The following PATJ variants were observed in gnomAD, a reference collection of about 807,000 sequenced individuals.
The protein encoded by PATJ is PATJ crumbs cell polarity complex component.
Under a neutral mutation model 224.9 loss-of-function variants are expected in PATJ, and 190 were observed. The ratio of observed to expected loss-of-function variants is 0.84; its 90% CI spans 0.75 to 0.95. The LOEUF is 0.95. PATJ is among the 40% of genes least tolerant of loss of function. The probability of loss-of-function intolerance (pLI) is 0.00; values close to 1 mark genes in which losing one functional copy is unlikely to be tolerated. For missense variants in PATJ, 2,121 were observed against 2,270.3 expected (o/e 0.93, Z 1.34); for synonymous variants, 769 against 820.3 (o/e 0.94, Z 1.07).
chr1:61,864,742 G>A (rs1482039743), intron 20 of PATJ, 109 bp downstream of exon 20: 35 of 943,946 alleles, frequency 3.7e-5, no homozygotes, highest in South Asian at 1.3e-4. Flanking sequence ...GGGCCTTTCC[G>A]TAAGTCGTCA....
intron 31 of PATJ, among the ~76,000 whole-genome samples, chr1:62,064,530 C>T (rs1429561368): frequency 1.3e-5 from 2 of 152,132 alleles, no homozygotes; most frequent in African/African-American, 2.4e-5. Context: ...TGAGGTTTCA[C>T]CATGTTGGCC....
intron 33 of PATJ, among the ~76,000 whole-genome samples, chr1:62,106,930 G>C (rs953501527): frequency 1.3e-5 from 2 of 152,122 alleles, no homozygotes; most frequent in Non-Finnish European, 2.9e-5. Flanking sequence ...TGGGGGCAAG[G>C]AATAGGAGGA....
At chr1:61,778,761 T>G (rs920492185) in intron 7 of PATJ, among the ~76,000 whole-genome samples, 1 of 151,978 alleles carries the variant, frequency 6.6e-6, no homozygotes, top group Non-Finnish European at 1.5e-5. Context: ...AGTGCAGTGG[T>G]GCAGTCTTGG....
intron 41 of PATJ, among the ~76,000 whole-genome samples, chr1:62,146,199 TGA>T (rs1668023164): frequency 6.6e-6 from 1 of 151,668 alleles, no homozygotes; most frequent in South Asian, 2.1e-4. Flanking sequence ...GTCTGGCATG[TGA>T]GAGAAACAGT....
chr1:62,027,742 GAGC>G, intron 29 of PATJ, among the ~76,000 whole-genome samples: 1 of 143,398 alleles, frequency 7.0e-6, no homozygotes, highest in African/African-American at 2.6e-5. Context: ...TAGTGATATT[GAGC>G]ATCTTTTCAT....
intron 13 of PATJ, among the ~76,000 whole-genome samples, chr1:61,807,631 G>A (rs1451314131): frequency 1.3e-5 from 2 of 152,174 alleles, no homozygotes; most frequent in African/African-American, 2.4e-5. Context: ...ATCTTGTACC[G>A]AGGAATGGTT....
In PATJ at chr1:62,148,460, CA is replaced by C. The variant is rs577217196; in HGVS notation, c.5378+72del. 645 of 1,079,234 alleles carry C rather than the reference CA, an allele frequency of 6.0e-4. 4 individuals are homozygous for C. The African/African-American group carries it at 9.3e-3, about 16-fold the overall frequency. The allele number at this position is 1,079,234 out of a possible 1,614,324, so 66.9% of individuals were successfully genotyped here. On this transcript the variant is annotated intron_variant, in intron 42 of 43. Transcript: ENST00000642238. ...GCTCGGAAGAACTTTTCCAGACACT[CA>C]AGTGCACTCTAAAGGAGAAGTGGCC...
intron 29 of PATJ, among the ~76,000 whole-genome samples, chr1:62,028,905 T>C (rs143792482): frequency 3.9e-4 from 59 of 152,226 alleles, no homozygotes; most frequent in African/African-American, 1.2e-3. Context: ...AAGTCTACAA[T>C]GAGCTATGAT....
intron 28 of PATJ, among the ~76,000 whole-genome samples, chr1:62,006,470 A>G (rs17122904): frequency 0.067 from 10,251 of 152,304 alleles, 791 homozygotes; most frequent in East Asian, 0.4. Flanking sequence ...CAGTAGTTGA[A>G]AACCTATCAC....
Position 61,787,910 on chromosome 1 carries a change from C to A in PATJ, c.1006C>A (p.Pro336Thr). 6.2e-7 allele frequency: 1 copy of A among 1,614,020 alleles called. No homozygotes were observed. Among genetic ancestry groups the A allele is most frequent in the South Asian group, 1.1e-5 (1 of 91,068 alleles). ...TCCAGCTGGTGACATTTCAGTCACC[C>A]CCCCTGCCCCTGCAGCCTTACCTGT... ...RDPAGDISVT[P>T]PAPAALPVAL... is the part of the protein sequence containing the mutation. The change falls in exon 8 of 44, where the codon CCC (proline) becomes ACC (threonine). Residue 336 changes from proline (P) to threonine (T), a missense_variant. By Grantham distance (38) the Pro-to-Thr change is conservative. Coordinates refer to ENST00000642238, the MANE Select transcript of PATJ (RefSeq NM_001350145.3).
At chr1:61,809,422 T>C (rs1364898360) in intron 14 of PATJ, among the ~76,000 whole-genome samples, 7 of 151,394 alleles carry the variant, frequency 4.6e-5, no homozygotes, top group Non-Finnish European at 8.8e-5. Context: ...AGTTTCGCCC[T>C]TGTTGCCCAG....
chr1:61,988,200 A>AAAAAT (rs560154179), intron 27 of PATJ, among the ~76,000 whole-genome samples: 10 of 152,320 alleles, frequency 6.6e-5, no homozygotes, highest in Middle Eastern at 3.4e-3. Context: ...CTTCATCTCA[A>AAAAAT]AAAATAAAAT....
At chr1:61,771,287 A>G (rs1357174691) in intron 5 of PATJ, 144 bp from the exon 6 acceptor site, 1 of 480,892 alleles carries the variant, frequency 2.1e-6, no homozygotes, top group Admixed American at 4.2e-5. Context: ...CACTCTGAAG[A>G]GCTCTGTTAT....
At chr1:62,117,266 G>A (rs745369739) in intron 37 of PATJ, 48 bp downstream of exon 37, 8 of 1,610,856 alleles carry the variant, frequency 5.0e-6, no homozygotes, top group Non-Finnish European at 6.8e-6. Context: ...TGCCCCCACT[G>A]GGAGAAAGTT....
In PATJ at chr1:61,811,070, A is replaced by G. The variant is rs76210905; in HGVS notation, c.1683+2540A>G. Among the ~76,000 whole-genome samples, 1,052 of 152,316 alleles carry G rather than the reference A, an allele frequency of 6.9e-3. 13 individuals carry two copies. The highest frequency in any genetic ancestry group is 0.023 in the African/African-American group (975 of 41,558). ...GCTGTGTAATCTTAGAAAATGATCT[A>G]AAGTCCATGTCTCAGTTTTTTGTAT... is the stretch of plus-strand genomic sequence containing the variant. On this transcript the variant is annotated intron_variant, in intron 14 of 43. Coordinates refer to ENST00000642238, the MANE Select transcript of PATJ (RefSeq NM_001350145.3).
chr1:61,819,738 G>A (rs1275671128), intron 14 of PATJ, among the ~76,000 whole-genome samples: 1 of 152,180 alleles, frequency 6.6e-6, no homozygotes, highest in Non-Finnish European at 1.5e-5. Context: ...AGTGAGCTGA[G>A]AGGCAATGCA....
intron 27 of PATJ, among the ~76,000 whole-genome samples, chr1:61,928,790 C>T (rs12074468): frequency 0.024 from 3,610 of 150,036 alleles, 166 homozygotes; most frequent in African/African-American, 0.083. Flanking sequence ...AATATAATAA[C>T]GAATATATAA....
At chr1:62,140,395 G>C (rs1667380894) in intron 41 of PATJ, among the ~76,000 whole-genome samples, 1 of 152,200 alleles carries the variant, frequency 6.6e-6, no homozygotes, top group South Asian at 2.1e-4. Context: ...GCTCACGCCA[G>C]TAATCCCAGC....
rs776108071 is a variant in PATJ, at chr1:61,795,464, A to C, written c.1169-3A>C. 9 of 1,576,558 alleles carry C rather than the reference A, an allele frequency of 5.7e-6. No homozygotes were observed. The Admixed American group carries it at 1.4e-4, about 24-fold the overall frequency. On this transcript the variant is annotated splice_polypyrimidine_tract_variant and splice_region_variant and intron_variant, in intron 9 of 43. Transcript: ENST00000642238. ...CTTTTTCCGTATGTCTGTGCACCTT[A>C]AGGGGAAGCTTCAGGGATTTATGTG...
Sources: gnomAD v4.1 joint callset for allele counts (sites outside exome capture counted in the v4.1 genomes callset) on GRCh38, gnomAD v4.1.1 for gene constraint, MANE v1.5 for transcripts, NCBI Gene and HGNC (gene_info 2026-07-23, HGNC 2026-07-21) for gene names.